LRP11: variants seen among roughly 807,000 people sequenced by gnomAD.
LRP11 encodes LDL receptor related protein 11.
A neutral mutation model predicts 43.1 loss-of-function variants in LRP11; 25 were observed. That is an observed-to-expected ratio of 0.58 (90% CI 0.42 to 0.81). LRP11 has a LOEUF of 0.81. Ranked by LOEUF, LRP11 falls within the 30% of genes least tolerant of loss-of-function variation. The pLI, the probability that LRP11 is intolerant of heterozygous loss-of-function variation, is 0.00. For synonymous variants in LRP11, 316 were observed against 299.4 expected (o/e 1.06, Z -0.57); for missense variants, 623 against 665.1 (o/e 0.94, Z 0.70).
Position 149,863,491 on chromosome 6 carries a change from A to G in LRP11, c.530T>C (p.Leu177Pro). The change falls in exon 1 of 7, where the codon CTG becomes CCG. Residue 177 changes from leucine to proline, a missense_variant. Leu to Pro is a moderately conservative substitution (Grantham distance 98). Coordinates refer to ENST00000239367, the MANE Select transcript of LRP11 (RefSeq NM_032832.6). ...GCTGTAGCTGCTGTAGCCGCTGTGC[A>G]GCGCGAACTTGCAGACGTTGCGGCC... ...ARGRNVCKFALHSGYSSYSLS... is the reference protein window; with the variant it reads ...ARGRNVCKFAPHSGYSSYSLS... The G allele has an allele frequency of 7.4e-7, 1 of 1,344,424 alleles. No homozygotes were observed. The highest frequency in any genetic ancestry group is 1.9e-5 in the South Asian group (1 of 51,764). The allele number at this position is 1,344,424 out of a possible 1,614,324, so 83.3% of individuals were successfully genotyped here.
At chr6:149,822,479 G>A (rs1424102747) in intron 6 of LRP11, among the ~76,000 whole-genome samples, 2 of 147,724 alleles carry the variant, frequency 1.4e-5, no homozygotes, top group Non-Finnish European at 3.0e-5. Context: ...TCCAGCTTGG[G>A]TGGCAAAGTA....
intron 1 of LRP11, among the ~76,000 whole-genome samples, chr6:149,860,184 C>G (rs1468624300): frequency 6.6e-6 from 1 of 152,186 alleles, no homozygotes; most frequent in African/African-American, 2.4e-5. Context: ...GGGGTGGCAG[C>G]AGGTGGGTCT....
chr6:149,835,034 T>C (rs1776453727), intron 5 of LRP11, among the ~76,000 whole-genome samples: 1 of 152,224 alleles, frequency 6.6e-6, no homozygotes. Context: ...TTATGCAGAG[T>C]CTGAAAAGAC....
chr6:149,836,203 C>T lies in LRP11; in HGVS notation c.1134G>A (p.Leu378=). ...CAGTGGCTTTCTGAGACTTTTCCAC[C>T]AAGGAGTCACCCCCTGCATCTTCAC... ...GPSEDAGGDS[L]VEKSQKATAP... is the part of the protein sequence containing the mutation. The change falls in exon 5 of 7, where the codon TTG becomes TTA. Residue 378 remains leucine (L), a synonymous_variant. Coordinates refer to ENST00000239367, the MANE Select transcript of LRP11 (RefSeq NM_032832.6). 2.5e-6 allele frequency: 4 copies of T among 1,614,102 alleles called. No individual in the cohort carries two copies. The highest frequency in any genetic ancestry group is 3.4e-6 in the Non-Finnish European group (4 of 1,180,032).
chr6:149,848,196 AAAC>A (rs1326794212), intron 2 of LRP11, among the ~76,000 whole-genome samples: 1 of 151,636 alleles, frequency 6.6e-6, no homozygotes, highest in African/African-American at 2.4e-5. Flanking sequence ...AAACAAAACA[AAAC>A]AAAAAAAACC....
intron 5 of LRP11, among the ~76,000 whole-genome samples, chr6:149,832,184 G>A (rs563055548): frequency 1.4e-5 from 2 of 146,294 alleles, no homozygotes; most frequent in East Asian, 4.2e-4. Flanking sequence ...TCTTCCATGA[G>A]CTAAGTCTTT....
intron 1 of LRP11, among the ~76,000 whole-genome samples, chr6:149,861,662 C>T (rs961867916): frequency 2.0e-5 from 3 of 152,070 alleles, no homozygotes; most frequent in Admixed American, 6.6e-5. Flanking sequence ...CATAGACAGG[C>T]GCCACCATGC....
intron 3 of LRP11, 23 bp downstream of exon 3, chr6:149,842,960 C>T (rs371415115): frequency 3.8e-5 from 61 of 1,612,988 alleles, no homozygotes; most frequent in Admixed American, 3.2e-4. Flanking sequence ...CAGTGGGAAG[C>T]GAGGGAAGGA....
chr6:149,830,041 A>C, intron 5 of LRP11, among the ~76,000 whole-genome samples: 2 of 125,534 alleles, frequency 1.6e-5, no homozygotes, highest in African/African-American at 3.0e-5. Context: ...ACAGAATTTC[A>C]CTCTTGTTGC....
chr6:149,841,289 T>A (rs745606201), intron 3 of LRP11, among the ~76,000 whole-genome samples: 1 of 152,202 alleles, frequency 6.6e-6, no homozygotes, highest in Non-Finnish European at 1.5e-5. Context: ...TTCTGCACTC[T>A]GCTGGCTTAA....
rs372227427 is a variant in LRP11 at position 149,836,138 on chromosome 6, C to T, written c.1199G>A (p.Arg400Lys). 1.9e-6 allele frequency: 3 copies of T among 1,613,988 alleles called. No individual in the cohort carries two copies. The African/African-American group carries it at 4.0e-5, about 22-fold the overall frequency. Residue 400 changes from arginine (R) to lysine (K), a missense_variant, in exon 5 of 7, where the codon AGG (arginine) becomes AAG (lysine). By Grantham distance (26) the Arg-to-Lys change is conservative (BLOSUM62 2). Transcript: ENST00000239367. Reference protein sequence around the residue: ...KPPALSNTEKRNHSAFWGPES... With the variant: ...KPPALSNTEKKNHSAFWGPES... ...TGGTCCCCAAAAGGCGGAATGATTC[C>T]TCTTCTCTGTGTTTGATAATGCAGG...
intron 6 of LRP11, among the ~76,000 whole-genome samples, chr6:149,823,841 C>T (rs1487648574): frequency 6.6e-6 from 1 of 152,034 alleles, no homozygotes; most frequent in South Asian, 2.1e-4. Flanking sequence ...CGGTGATAAC[C>T]CTATGGACTG....
At chr6:149,850,831 G>C (rs1404299844) in intron 2 of LRP11, among the ~76,000 whole-genome samples, 1 of 152,164 alleles carries the variant, frequency 6.6e-6, no homozygotes, top group Admixed American at 6.5e-5. Flanking sequence ...TCCATTGAAA[G>C]GTACTTAGTA....
chr6:149,851,881 C>T (rs1339162591), intron 2 of LRP11, among the ~76,000 whole-genome samples: 1 of 152,050 alleles, frequency 6.6e-6, no homozygotes, highest in Non-Finnish European at 1.5e-5. Context: ...GCTGGGGAGG[C>T]CTCAGGAAAC....
intron 5 of LRP11, among the ~76,000 whole-genome samples, chr6:149,829,854 C>T (rs1477852691): frequency 6.6e-6 from 1 of 152,060 alleles, no homozygotes; most frequent in East Asian, 1.9e-4. Flanking sequence ...ACACTTGGCG[C>T]TCTCTTACCC....
intron 2 of LRP11, among the ~76,000 whole-genome samples, chr6:149,850,014 C>T (rs1403087339): frequency 1.3e-5 from 2 of 151,966 alleles, no homozygotes; most frequent in South Asian, 2.1e-4. Context: ...GTGAGGAGCC[C>T]GTGCAGATGG....
In LRP11 at chr6:149,827,853, C is replaced by T. The variant is rs1776359685; in HGVS notation, c.1253-1494G>A. On this transcript the variant is annotated intron_variant, in intron 5 of 6. Coordinates refer to ENST00000239367, the MANE Select transcript of LRP11 (RefSeq NM_032832.6). The surrounding 1 kb of genome is among the most constrained non-coding windows in gnomAD (Gnocchi z 4.2). ...CCTGGCCAACATGGCAAAACCCTGT[C>T]TCTACTTAAAATACAAAAAAAATTA... 6.6e-6 allele frequency among the ~76,000 whole-genome samples: 1 copy of T among 152,134 alleles called. No homozygotes were observed. Among genetic ancestry groups the T allele is most frequent in the Non-Finnish European group, 1.5e-5 (1 of 68,036 alleles).
At chr6:149,834,769 A>G (rs561982224) in intron 5 of LRP11, among the ~76,000 whole-genome samples, 86 of 152,364 alleles carry the variant, frequency 5.6e-4, no homozygotes, top group African/African-American at 1.9e-3. Context: ...TTCTTAACCA[A>G]AACTCAGAAA....
At position 149,863,950 on chromosome 6, in the gene LRP11, C is replaced by T. The variant is rs1174884617; in HGVS notation, c.71G>A (p.Gly24Glu). ...RLPPRHGALRGLLLLCLWLPS... is the reference protein window; with the variant it reads ...RLPPRHGALRELLLLCLWLPS... Reference sequence around the variant, plus strand: ...CAGCCACAGGCAGAGCAGTAGCAGCCCGCGCAGCGCCCCGTGACGCGGCGG... The same window carrying T: ...CAGCCACAGGCAGAGCAGTAGCAGCTCGCGCAGCGCCCCGTGACGCGGCGG... Residue 24 changes from glycine to glutamate, a missense_variant, in exon 1 of 7, where the codon GGG becomes GAG. By Grantham distance (98) the Gly-to-Glu change is moderately conservative (BLOSUM62 -2). Transcript: ENST00000239367. 2.1e-6 allele frequency: 3 copies of T among 1,441,176 alleles called. No individual in the cohort carries two copies. Among genetic ancestry groups the T allele is most frequent in the South Asian group, 1.4e-5 (1 of 72,716 alleles). 89.3% of individuals were successfully genotyped at this position (1,441,176 alleles called of 1,614,324 possible).
Sources: gnomAD v4.1 joint callset for allele counts (sites outside exome capture counted in the v4.1 genomes callset) on GRCh38, gnomAD v4.1.1 for gene constraint, Gnocchi (gnomAD v3.1) non-coding constraint, MANE v1.5 for transcripts, NCBI Gene and HGNC (gene_info 2026-07-23, HGNC 2026-07-21) for gene names.